The following PCDHGA10 variants were observed in gnomAD, a reference collection of about 807,000 sequenced individuals.
PCDHGA10 encodes the protein protocadherin gamma subfamily A, 10.
Under a neutral mutation model 59.5 loss-of-function variants are expected in PCDHGA10, and 42 were observed. That is an observed-to-expected ratio of 0.71 (90% CI 0.55 to 0.91). The LOEUF (loss-of-function observed/expected upper bound fraction) is 0.91. Ranked by LOEUF, PCDHGA10 falls within the 40% of genes least tolerant of loss-of-function variation. The probability of loss-of-function intolerance (pLI) is 0.00; values close to 1 mark genes in which losing one functional copy is unlikely to be tolerated. For missense variants in PCDHGA10, 1,111 were observed against 1,198.2 expected (o/e 0.93, Z 1.07); for synonymous variants, 511 against 517.2 (o/e 0.99, Z 0.16).
At chr5:141,510,677 A>G (rs2099882239) in intron 3 of PCDHGA10, among the ~76,000 whole-genome samples, 2 of 152,212 alleles carry the variant, frequency 1.3e-5, no homozygotes, top group African/African-American at 4.8e-5. Context: ...CTGAAGTGGC[A>G]TAAGGAGGTT....
rs141556649 is a variant in PCDHGA10 at position 141,492,225 on chromosome 5, C to T, written c.2437-2582C>T. ...GTGTGCGCGCGGGGCTCATGCGTGT[C>T]CTCCCTGCTGGCCACCCCCACGGCC... On this transcript the variant is annotated intron_variant, in intron 1 of 3. Transcript: ENST00000398610. Among the ~76,000 whole-genome samples the T allele has an allele frequency of 2.4e-3, 361 of 152,274 alleles. No individual in the cohort carries two copies. In the Middle Eastern group the frequency reaches 0.024, roughly 10 times the overall value.
chr5:141,478,839 T>G, intron 1 of PCDHGA10: 6 of 1,423,322 alleles, frequency 4.2e-6, no homozygotes, highest in Non-Finnish European at 5.5e-6. Flanking sequence ...AAGGGATGGT[T>G]AAGCTAAAAC....
In PCDHGA10 at chr5:141,422,062, A is replaced by G. The variant is rs776838280; in HGVS notation, c.2436+6451A>G. The G allele has an allele frequency of 1.2e-6, 2 of 1,612,022 alleles. No individual in the cohort carries two copies. The highest frequency in any genetic ancestry group is 2.7e-5 in the African/African-American group (2 of 74,802). ...AGACGAGGGAATCAACGGGGAAGTAATGTATTCATTTCGGAACATGGAAAG... is the reference window on the plus strand; with the variant it reads ...AGACGAGGGAATCAACGGGGAAGTAGTGTATTCATTTCGGAACATGGAAAG... On this transcript the variant is annotated intron_variant, in intron 1 of 3. Transcript: ENST00000398610.
At chr5:141,473,330 C>T (rs1431360397) in intron 1 of PCDHGA10, among the ~76,000 whole-genome samples, 2 of 152,208 alleles carry the variant, frequency 1.3e-5, no homozygotes, top group East Asian at 3.8e-4. Flanking sequence ...TAAGTGCCTG[C>T]TGTGCTAGAC....
chr5:141,420,301 CT>C, intron 1 of PCDHGA10: 1 of 1,462,308 alleles, frequency 6.8e-7, no homozygotes, highest in Non-Finnish European at 9.2e-7. Flanking sequence ...GTATTTAATC[CT>C]TTTTATATTA....
chr5:141,501,288 T>TACAC (rs1562199973), intron 2 of PCDHGA10, among the ~76,000 whole-genome samples: 2 of 81,228 alleles, frequency 2.5e-5, no homozygotes, highest in Admixed American at 1.6e-4. Flanking sequence ...GATATTCCCT[T>TACAC]ATACACACAC....
In PCDHGA10 at chr5:141,485,124, C is replaced by A; in HGVS notation, c.2437-9683C>A. ...GCTGCTGTGGCTGTTTGGGGCGGGT[C>A]GGCTTCATCCGCGTCTCAGGAGCAA... is the stretch of plus-strand genomic sequence containing the variant. On this transcript the variant is annotated intron_variant, in intron 1 of 3. Transcript: ENST00000398610. The surrounding 1 kb of genome is among the most constrained non-coding windows in gnomAD (Gnocchi z 5.7). 2 of 1,390,136 alleles carry A rather than the reference C, an allele frequency of 1.4e-6. No homozygotes were observed. The highest frequency in any genetic ancestry group is 2.5e-5 in the South Asian group (2 of 80,180). 86.1% of individuals were successfully genotyped at this position (1,390,136 alleles called of 1,614,324 possible). A position where few individuals can be genotyped will look rare whatever the true frequency, so the allele number is the denominator to read the frequency against.
rs2099884522 is a variant in PCDHGA10, at chr5:141,512,941, T to C, written c.*1768T>C. On this transcript the variant is annotated 3_prime_UTR_variant, in exon 4 of 4. Transcript: ENST00000398610. ...CTAATATTTATATGGCTTTTTTTCT[T>C]CGACAAAAAAATAATAAAACGTTTC... The C allele has an allele frequency of 6.6e-6, 1 of 151,892 alleles. No individual in the cohort carries two copies. The highest frequency in any genetic ancestry group is 6.6e-5 in the Admixed American group (1 of 15,236). The allele number at this position is 151,892 out of a possible 1,614,324, so 9.4% of individuals were successfully genotyped here.
At position 141,490,148 on chromosome 5, in the gene PCDHGA10, A is replaced by G. The variant is rs2154582223; in HGVS notation, c.2437-4659A>G. The G allele has an allele frequency of 1.2e-6, 2 of 1,614,232 alleles. No homozygotes were observed. The highest frequency in any genetic ancestry group is 4.5e-5 in the East Asian group (2 of 44,888). On this transcript the variant is annotated intron_variant, in intron 1 of 3. Coordinates refer to ENST00000398610, the MANE Select transcript of PCDHGA10 (RefSeq NM_018913.3). The surrounding 1 kb of genome is among the most constrained non-coding windows in gnomAD (Gnocchi z 5.4). The stretch of plus-strand genomic sequence containing the variant: ...CTAGACCCTAGCAGTGGGGCAATCC[A>G]TGTGTTGGGTCCCATAGACTTTGAG...
At chr5:141,484,300 C>G (rs927710366) in intron 1 of PCDHGA10, among the ~76,000 whole-genome samples, 1 of 152,190 alleles carries the variant, frequency 6.6e-6, no homozygotes, top group Non-Finnish European at 1.5e-5. Context: ...CTCCTGGCTT[C>G]CTCCACCCCG....
intron 1 of PCDHGA10, among the ~76,000 whole-genome samples, chr5:141,472,178 A>G (rs1337942457): frequency 6.6e-6 from 1 of 152,210 alleles, no homozygotes; most frequent in African/African-American, 2.4e-5. Flanking sequence ...AATATCCAGT[A>G]TTGGAATTTG....
At chr5:141,418,908 C>A in intron 1 of PCDHGA10, 1 of 1,613,932 alleles carries the variant, frequency 6.2e-7, no homozygotes, top group South Asian at 1.1e-5. Flanking sequence ...ATAATCATCA[C>A]GTCACTCTCT....
At chr5:141,416,093 C>T (rs1241017265) in intron 1 of PCDHGA10, 1 of 162,720 alleles carries the variant, frequency 6.1e-6, no homozygotes, top group Admixed American at 6.4e-5. Flanking sequence ...AGGAGAAGGG[C>T]AATAGGCCTT....
chr5:141,496,772 T>C (rs994207358), intron 2 of PCDHGA10, among the ~76,000 whole-genome samples: 9 of 152,008 alleles, frequency 5.9e-5, no homozygotes, highest in African/African-American at 1.2e-4. Flanking sequence ...GCATCTACTA[T>C]GAGCAGGGCC....
intron 1 of PCDHGA10, chr5:141,478,565 T>C (rs772519746): frequency 1.6e-5 from 25 of 1,593,862 alleles, no homozygotes; most frequent in Non-Finnish European, 2.0e-5. Flanking sequence ...TAGCAAGTCA[T>C]GCTTGACCCT....
At chr5:141,478,513 G>A in intron 1 of PCDHGA10, 1 of 1,611,520 alleles carries the variant, frequency 6.2e-7, no homozygotes. Context: ...TCTATAGGCA[G>A]GTGTTGGGTG....
In PCDHGA10 at chr5:141,431,538, AGCTGCTTGTAGTCAAC is replaced by A; in HGVS notation, c.2436+15931_2436+15946del. 2 of 1,614,114 alleles carry A rather than the reference AGCTGCTTGTAGTCAAC, an allele frequency of 1.2e-6. No homozygotes were observed. Among genetic ancestry groups the A allele is most frequent in the Non-Finnish European group, 1.7e-6 (2 of 1,180,024 alleles). ...CCGGAGAATCTGGCCTTGGGCACGC[AGCTGCTTGTAGTCAAC>A]GCTACCGACCCTGACGAAGGAGTCA... On this transcript the variant is annotated intron_variant, in intron 1 of 3. Coordinates refer to ENST00000398610, the MANE Select transcript of PCDHGA10 (RefSeq NM_018913.3). This position sits in a 1 kb window ranked among gnomAD's most constrained non-coding sequence, Gnocchi z 4.8.
chr5:141,476,574 G>A lies in PCDHGA10; in HGVS notation c.2437-18233G>A, dbSNP rs746783993. ...AGCGAGGCCGTGGCTCCGGGGACGC[G>A]CTTTCCGCTCGAGAGCGCGCACGAT... is the stretch of plus-strand genomic sequence containing the variant. On this transcript the variant is annotated intron_variant, in intron 1 of 3. Coordinates refer to ENST00000398610, the MANE Select transcript of PCDHGA10 (RefSeq NM_018913.3). The surrounding 1 kb of genome is among the most constrained non-coding windows in gnomAD (Gnocchi z 7.6). 40 of 1,614,084 alleles carry A rather than the reference G, an allele frequency of 2.5e-5. No homozygotes were observed. In the African/African-American group the frequency reaches 3.7e-4, roughly 15 times the overall value.
At chr5:141,461,951 G>C (rs1419637040) in intron 1 of PCDHGA10, among the ~76,000 whole-genome samples, 1 of 152,186 alleles carries the variant, frequency 6.6e-6, no homozygotes, top group African/African-American at 2.4e-5. Context: ...AACCTCCTGA[G>C]TAGCTGGGAT....
Sources: gnomAD v4.1 joint callset for allele counts (sites outside exome capture counted in the v4.1 genomes callset) on GRCh38, gnomAD v4.1.1 for gene constraint, Gnocchi (gnomAD v3.1) non-coding constraint, MANE v1.5 for transcripts, NCBI Gene and HGNC (gene_info 2026-07-23, HGNC 2026-07-21) for gene names.